GLRB: variants seen among roughly 807,000 people sequenced by gnomAD.
GLRB encodes glycine receptor subunit beta.
Under a neutral mutation model 54.2 loss-of-function variants are expected in GLRB, and 33 were observed. That is an observed-to-expected ratio of 0.61 (90% CI 0.46 to 0.81). The LOEUF is 0.81. Ranked by LOEUF, GLRB falls within the 40% of genes least tolerant of loss-of-function variation. The pLI, the probability that GLRB is intolerant of heterozygous loss-of-function variation, is 0.00. For missense variants in GLRB, 572 were observed against 584.6 expected (o/e 0.98, Z 0.22); for synonymous variants, 209 against 208.2 (o/e 1.00, Z -0.03).
At chr4:157,092,481 C>G (rs1001485604) in intron 2 of GLRB, among the ~76,000 whole-genome samples, 2 of 152,148 alleles carry the variant, frequency 1.3e-5, no homozygotes, top group African/African-American at 2.4e-5. Context: ...TGCATGTTTA[C>G]TATTACTCTT....
chr4:157,113,312 G>A (rs1282063907), intron 2 of GLRB, among the ~76,000 whole-genome samples: 2 of 151,934 alleles, frequency 1.3e-5, no homozygotes, highest in Admixed American at 1.3e-4. Context: ...ATTCTGTAGA[G>A]TATGGAAAGT....
In GLRB at chr4:157,076,300, A is replaced by T. The variant is rs1251814818; in HGVS notation, c.-30+3A>T. 1 of 151,400 alleles carries T rather than the reference A, an allele frequency of 6.6e-6. No homozygotes were observed. The highest frequency in any genetic ancestry group is 2.4e-5 in the African/African-American group (1 of 41,366). The allele number at this position is 151,400 out of a possible 1,614,324, so 9.4% of individuals were successfully genotyped here. A position where few individuals can be genotyped will look rare whatever the true frequency, so the allele number is the denominator to read the frequency against. Reference sequence around the variant, plus strand: ...ATTGTGGGCAGGGGCGCCTCCGGGTAAGTGCCAGGAGCTCCACTTAGGAGG... The same window carrying T: ...ATTGTGGGCAGGGGCGCCTCCGGGTTAGTGCCAGGAGCTCCACTTAGGAGG... On this transcript the variant is annotated splice_donor_region_variant and intron_variant, in intron 1 of 9. Transcript: ENST00000264428.
chr4:157,163,548 T>G (rs934595960), intron 9 of GLRB, among the ~76,000 whole-genome samples: 1 of 152,166 alleles, frequency 6.6e-6, no homozygotes, highest in African/African-American at 2.4e-5. Context: ...AGCACATTTT[T>G]TTCTGTAGTA....
chr4:157,156,388 T>C (rs907233506), intron 9 of GLRB, among the ~76,000 whole-genome samples: 6 of 152,234 alleles, frequency 3.9e-5, no homozygotes, highest in African/African-American at 1.2e-4. Context: ...CTTTTGTACA[T>C]TGATTTTGTA....
chr4:157,169,626 A>G (rs1737843293), intron 9 of GLRB, among the ~76,000 whole-genome samples: 2 of 152,124 alleles, frequency 1.3e-5, no homozygotes, highest in African/African-American at 2.4e-5. Flanking sequence ...TTCAGAACCT[A>G]TAGATACAAG....
chr4:157,082,513 A>ATCC (rs1734260165), intron 2 of GLRB, among the ~76,000 whole-genome samples: 2 of 152,168 alleles, frequency 1.3e-5, no homozygotes, highest in Admixed American at 6.5e-5. Flanking sequence ...ATCTCTTATT[A>ATCC]AGTCATTACA....
chr4:157,084,728 G>A (rs765978191), intron 2 of GLRB: 12 of 455,540 alleles, frequency 2.6e-5, no homozygotes, highest in South Asian at 1.9e-4. Flanking sequence ...AAGAAGGGTA[G>A]GTTACTGTTG....
chr4:157,154,166 CT>C (rs1737133819), intron 9 of GLRB, among the ~76,000 whole-genome samples: 1 of 152,146 alleles, frequency 6.6e-6, no homozygotes, highest in Non-Finnish European at 1.5e-5. Context: ...CTATCTTGGC[CT>C]TAAAGATGTC....
At chr4:157,157,064 C>T (rs1018702418) in intron 9 of GLRB, among the ~76,000 whole-genome samples, 3 of 152,082 alleles carry the variant, frequency 2.0e-5, no homozygotes, top group African/African-American at 7.2e-5. Flanking sequence ...TCACCAGTTC[C>T]CCATGTTGTC....
intron 7 of GLRB, among the ~76,000 whole-genome samples, chr4:157,140,406 C>G (rs1191965565): frequency 6.6e-6 from 1 of 151,878 alleles, no homozygotes; most frequent in Non-Finnish European, 1.5e-5. Context: ...TACTGTCAGC[C>G]TTGGGACCAA....
At position 157,138,942 on chromosome 4, in the gene GLRB, A is replaced by G; in HGVS notation, c.744A>G (p.Lys248=). The change falls in exon 7 of 10, where the codon AAA becomes AAG. Residue 248 remains lysine, a synonymous_variant. Coordinates refer to ENST00000264428, the MANE Select transcript of GLRB (RefSeq NM_000824.5). ...ATGGTAACTGTACAAAATACTATAA[A>G]GGCACGGGTAAGTAATATTCTTTAA... ...IEYGNCTKYY[K]GTGYYTCVEV... The G allele has an allele frequency of 1.4e-6, 2 of 1,414,804 alleles. No individual in the cohort carries two copies. Among genetic ancestry groups the G allele is most frequent in the Admixed American group, 1.7e-5 (1 of 59,660 alleles). The allele number at this position is 1,414,804 out of a possible 1,614,324, so 87.6% of individuals were successfully genotyped here.
intron 2 of GLRB, among the ~76,000 whole-genome samples, chr4:157,119,736 A>C (rs1415010318): frequency 2.0e-5 from 3 of 151,782 alleles, no homozygotes; most frequent in African/African-American, 7.3e-5. Context: ...AGGAAACAAC[A>C]GGTGCTGGAG....
chr4:157,159,628 G>A (rs60392734), intron 9 of GLRB, among the ~76,000 whole-genome samples: 4,718 of 152,092 alleles, frequency 0.031, 241 homozygotes, highest in African/African-American at 0.11. Flanking sequence ...TATAGGATGG[G>A]TTACATTTAT....
At chr4:157,149,958 C>T (rs532359903) in intron 8 of GLRB, among the ~76,000 whole-genome samples, 4 of 151,896 alleles carry the variant, frequency 2.6e-5, no homozygotes, top group Admixed American at 2.6e-4. Flanking sequence ...AATTATTTTG[C>T]GGATTCTTCC....
intron 2 of GLRB, among the ~76,000 whole-genome samples, chr4:157,086,695 A>G (rs922682434): frequency 2.0e-5 from 3 of 152,216 alleles, no homozygotes; most frequent in African/African-American, 7.2e-5. Context: ...AGAGGAAGAT[A>G]AGTTCAATTA....
At chr4:157,099,880 G>C (rs553766036) in intron 2 of GLRB, among the ~76,000 whole-genome samples, 1 of 152,210 alleles carries the variant, frequency 6.6e-6, no homozygotes, top group East Asian at 1.9e-4. Context: ...TGTTATCTCA[G>C]TGTAGTTTTA....
chr4:157,086,090 C>T (rs1048525965), intron 2 of GLRB, among the ~76,000 whole-genome samples: 1 of 152,086 alleles, frequency 6.6e-6, no homozygotes. Flanking sequence ...CCTTGTTCTC[C>T]CAAAGACTTC....
Position 157,171,065 on chromosome 4 carries a change from A to G in GLRB, c.*337A>G, listed in dbSNP as rs927991964. On this transcript the variant is annotated 3_prime_UTR_variant, in exon 10 of 10. Transcript: ENST00000264428. ...GATAATAAAATGATATGCACGCTGA[A>G]TCCTGCTATGGTCACCATTCTAATG... 2.3e-5 allele frequency: 4 copies of G among 170,584 alleles called. No homozygotes were observed. The highest frequency in any genetic ancestry group is 6.0e-5 in the Admixed American group (1 of 16,642). The allele number at this position is 170,584 out of a possible 1,614,324, so 10.6% of individuals were successfully genotyped here. A position where few individuals can be genotyped will look rare whatever the true frequency, so the allele number is the denominator to read the frequency against.
intron 2 of GLRB, among the ~76,000 whole-genome samples, chr4:157,084,479 T>A (rs898236605): frequency 6.6e-6 from 1 of 152,202 alleles, no homozygotes; most frequent in African/African-American, 2.4e-5. Flanking sequence ...TTCTAAATTA[T>A]CTTTCCTTCA....
Sources: gnomAD v4.1 joint callset for allele counts (sites outside exome capture counted in the v4.1 genomes callset) on GRCh38, gnomAD v4.1.1 for gene constraint, MANE v1.5 for transcripts, NCBI Gene and HGNC (gene_info 2026-07-23, HGNC 2026-07-21) for gene names.